The following PLEC variants were observed in gnomAD, a reference collection of about 807,000 sequenced individuals.
PLEC encodes the protein hemidesmosomal protein 1.
Under a neutral mutation model 392.8 loss-of-function variants are expected in PLEC, and 216 were observed. That is an observed-to-expected ratio of 0.55 (90% CI 0.49 to 0.62). PLEC has a LOEUF of 0.62. Among genes scored for constraint, PLEC ranks in the 20% least tolerant of loss-of-function variants. PLEC has a pLI of 0.00. For missense variants in PLEC, 6,863 were observed against 6,563.4 expected (o/e 1.05, Z -1.58); for synonymous variants, 3,621 against 2,980.6 (o/e 1.21, Z -7.00).
intron 1 of PLEC, among the ~76,000 whole-genome samples, chr8:143,945,442 A>G (rs545191147): frequency 3.3e-5 from 5 of 152,236 alleles, no homozygotes; most frequent in East Asian, 3.9e-4. Flanking sequence ...TCAGATCCCA[A>G]TGCAGCCGGG....
intron 3 of PLEC, among the ~76,000 whole-genome samples, 175 bp from the exon 4 acceptor site, chr8:143,937,417 A>G (rs782371741): frequency 3.7e-4 from 56 of 152,198 alleles, no homozygotes; most frequent in Non-Finnish European, 7.4e-4. Context: ...CCCAGGGGCC[A>G]GGCCAGGCCC....
chr8:143,960,652 C>T (rs760490232), intron 1 of PLEC, among the ~76,000 whole-genome samples: 3 of 152,044 alleles, frequency 2.0e-5, no homozygotes, highest in Admixed American at 2.0e-4. Context: ...AGTTTACATT[C>T]TTCCCTTCAC....
upstream of PLEC, among the ~76,000 whole-genome samples, chr8:143,952,136 G>A (rs1483190319): frequency 1.3e-5 from 2 of 152,156 alleles, no homozygotes; most frequent in Non-Finnish European, 2.9e-5. Context: ...GCTTGTGGGG[G>A]CGGGTTTATG....
chr8:143,944,085 C>A, upstream of PLEC: 1 of 748,366 alleles, frequency 1.3e-6, no homozygotes, highest in South Asian at 1.9e-5. Flanking sequence ...CTCCTCCCTC[C>A]GCGGGTCCGG....
chr8:143,935,929 C>T lies in PLEC; in HGVS notation c.521G>A (p.Gly174Glu). The part of the protein sequence containing the change: ...LLLWSQRMVE[G>E]YQGLRCDNFT... Reference sequence around the variant, plus strand: ...GTTGTCGCATCGCAGGCCCTGGTACCCCTCCACCATTCGCTGCGACCACAG... The same window carrying T: ...GTTGTCGCATCGCAGGCCCTGGTACTCCTCCACCATTCGCTGCGACCACAG... Residue 174 changes from glycine (G) to glutamate (E), a missense_variant, in exon 6 of 32, where the codon GGG becomes GAG. Physicochemically the swap from Gly to Glu is moderately conservative, Grantham distance 98. Transcript: ENST00000345136. The T allele has an allele frequency of 6.2e-7, 1 of 1,612,980 alleles. No homozygotes were observed. The highest frequency in any genetic ancestry group is 8.5e-7 in the Non-Finnish European group (1 of 1,179,980).
chr8:143,918,538 C>T lies in PLEC; in HGVS notation c.11283G>A (p.Leu3761=), dbSNP rs1554675599. Residue 3761 remains leucine, a synonymous_variant, in exon 32 of 32, where the codon CTG becomes CTA. Coordinates refer to ENST00000345136, the MANE Select transcript of PLEC (RefSeq NM_201384.3). ...GLVGPELHDR[L]LSAERAVTGY... ...CGGTGACCGCCCGCTCAGCCGAGAG[C>T]AGGCGGTCGTGCAGCTCGGGCCCCA... is the stretch of plus-strand genomic sequence containing the variant. 1 of 1,610,018 alleles carries T rather than the reference C, an allele frequency of 6.2e-7. No individual in the cohort carries two copies.
intron 11 of PLEC, 76 bp from the exon 12 acceptor site, chr8:143,934,167 C>G: frequency 6.3e-7 from 1 of 1,588,314 alleles, no homozygotes. Context: ...CAGCTCGCCT[C>G]CCGCTCCGGT....
Position 143,969,712 on chromosome 8 carries a change from C to CGGGGAGT in PLEC, c.70+3684_70+3690dup, listed in dbSNP as rs1365421708. Among the ~76,000 whole-genome samples the CGGGGAGT allele has an allele frequency of 2.6e-5, 4 of 151,218 alleles. No individual in the cohort carries two copies. Among genetic ancestry groups the CGGGGAGT allele is most frequent in the South Asian group, 2.1e-4 (1 of 4,772 alleles). ...TGGGGGTCAGGGCATGAGTGCAGGC[C>CGGGGAGT]GGGGAGTGGGGAGTGGGGCCAGCCG... On this transcript the variant is annotated intron_variant, in intron 1 of 31. Coordinates refer to the PLEC transcript ENST00000356346. The surrounding 1 kb of genome is among the most constrained non-coding windows in gnomAD (Gnocchi z 5.1).
At chr8:143,960,451 T>C (rs1564225367) in intron 1 of PLEC, among the ~76,000 whole-genome samples, 2 of 151,718 alleles carry the variant, frequency 1.3e-5, no homozygotes, top group Non-Finnish European at 2.9e-5. Context: ...ACCCCGTCTC[T>C]ACTAAAAATA....
upstream of PLEC, chr8:143,975,151 G>A: frequency 6.3e-7 from 1 of 1,595,390 alleles, no homozygotes; most frequent in Non-Finnish European, 8.5e-7. The surrounding 1 kb of genome is among the most constrained non-coding windows in gnomAD (Gnocchi z 9.9). Context: ...CCAAGGAGGT[G>A]CACAGGCAAG....
intron 15 of PLEC, 33 bp from the exon 16 acceptor site, chr8:143,932,594 C>T (rs749214193): frequency 1.9e-5 from 30 of 1,612,032 alleles, no homozygotes; most frequent in African/African-American, 1.6e-4. Flanking sequence ...CAGCAGGCCG[C>T]GGGCTACCCA....
Position 143,973,175 on chromosome 8 carries a change from C to G in PLEC, c.70+228G>C, listed in dbSNP as rs1320639898. Among the ~76,000 whole-genome samples the G allele has an allele frequency of 2.6e-5, 4 of 151,956 alleles. No individual in the cohort carries two copies. Among genetic ancestry groups the G allele is most frequent in the African/African-American group, 9.7e-5 (4 of 41,410 alleles). The stretch of plus-strand genomic sequence containing the variant: ...CCCACCCGCCCGCGGCCCACCCCAC[C>G]CACCCGAGCCGCGCGATGCCCTATT... On this transcript the variant is annotated intron_variant, in intron 1 of 31. Transcript: ENST00000356346. This position sits in a 1 kb window ranked among gnomAD's most constrained non-coding sequence, Gnocchi z 5.6.
In PLEC at chr8:143,920,144, G is replaced by A. The variant is rs1554680750; in HGVS notation, c.9677C>T (p.Ser3226Leu). Reference sequence around the variant, plus strand: ...AAAGGTCTCACGGGCCTGCAGCTCTGAGTAGAGCTCCTCCTGCCGGGCCCG... The same window carrying A: ...AAAGGTCTCACGGGCCTGCAGCTCTAAGTAGAGCTCCTCCTGCCGGGCCCG... ...AARARQEELY[S>L]ELQARETFEK... Residue 3226 changes from serine (S) to leucine (L), a missense_variant, in exon 32 of 32, where the codon TCA (serine) becomes TTA (leucine). Transcript: ENST00000345136. 1.9e-6 allele frequency: 3 copies of A among 1,612,792 alleles called. No individual in the cohort carries two copies. Among genetic ancestry groups the A allele is most frequent in the East Asian group, 2.2e-5 (1 of 44,884 alleles).
upstream of PLEC, chr8:143,950,952 C>T (rs1258726094): frequency 9.2e-6 from 7 of 759,268 alleles, no homozygotes; most frequent in East Asian, 1.3e-4. Flanking sequence ...TCCTCCAGGA[C>T]GCCGGGCCGG....
At chr8:143,938,841 G>A (rs1829787714) in intron 1 of PLEC, 149 bp from the exon 2 acceptor site, 5 of 728,068 alleles carry the variant, frequency 6.9e-6, no homozygotes, top group South Asian at 2.9e-5. Context: ...AGACCCAGGC[G>A]CCCTCACCCG....
At position 143,917,035 on chromosome 8, in the gene PLEC, G is replaced by A. The variant is rs782512978; in HGVS notation, c.12786C>T (p.Val4262=). The A allele has an allele frequency of 1.2e-6, 2 of 1,611,504 alleles. No individual in the cohort carries two copies. The highest frequency in any genetic ancestry group is 1.7e-5 in the Admixed American group (1 of 60,006). Residue 4262 remains valine (V), a synonymous_variant, in exon 32 of 32, where the codon GTC becomes GTT. Transcript: ENST00000345136. ...ACCAGGAGGCCAGCTGGGTCCTGGAGACGGCGGGGCTGATGGGGTAGGAGG... is the reference window on the plus strand; with the variant it reads ...ACCAGGAGGCCAGCTGGGTCCTGGAAACGGCGGGGCTGATGGGGTAGGAGG... The part of the protein sequence containing the change: ...SSSSYPISPA[V]SRTQLASWSD...
At position 143,918,271 on chromosome 8, in the gene PLEC, G is replaced by A. The variant is rs781907526; in HGVS notation, c.11550C>T (p.Ser3850=). ...GCGTGTAGCTGAGGCGCTCGTCGGT[G>A]GACGGGTCCACGTAGCTGCGCACCT... The part of the protein sequence containing the change: ...PSEVRSYVDP[S]TDERLSYTQL... The change falls in exon 32 of 32, where the codon TCC becomes TCT. Residue 3850 remains serine (S), a synonymous_variant. Transcript: ENST00000345136. 3.1e-6 allele frequency: 5 copies of A among 1,592,838 alleles called. No individual in the cohort carries two copies. The highest frequency in any genetic ancestry group is 1.7e-4 in the Middle Eastern group (1 of 5,728).
upstream of PLEC, chr8:143,975,393 G>A: frequency 6.2e-7 from 1 of 1,600,036 alleles, no homozygotes. This position sits in a 1 kb window ranked among gnomAD's most constrained non-coding sequence, Gnocchi z 9.9. Flanking sequence ...GGGAGCAGGA[G>A]GGGTCACATC....
At chr8:143,937,727 G>A (rs1554724640) in intron 3 of PLEC, 1 of 492,058 alleles carries the variant, frequency 2.0e-6, no homozygotes, top group Admixed American at 2.3e-5. Flanking sequence ...TGCCGCTGCA[G>A]CCGGCAGGCA....
Sources: gnomAD v4.1 joint callset for allele counts (sites outside exome capture counted in the v4.1 genomes callset) on GRCh38, gnomAD v4.1.1 for gene constraint, Gnocchi (gnomAD v3.1) non-coding constraint, MANE v1.5 for transcripts, NCBI Gene and HGNC (gene_info 2026-07-23, HGNC 2026-07-21) for gene names.